Variants in ERMARD observed in about 807,000 individuals in gnomAD.
The protein encoded by ERMARD is ER membrane associated RNA degradation.
Under a neutral mutation model 83.9 loss-of-function variants are expected in ERMARD, and 71 were observed. That is an observed-to-expected ratio of 0.85 (90% CI 0.70 to 1.03). The LOEUF is 1.03. ERMARD is among the 50% of genes least tolerant of loss of function. ERMARD has a pLI of 0.00. For synonymous variants in ERMARD, 284 were observed against 298.6 expected, an observed-to-expected ratio of 0.95 and a Z score of 0.50; for missense variants, 838 against 810.9, an observed-to-expected ratio of 1.03 and a Z score of -0.41.
At position 169,768,117 on chromosome 6, in the gene ERMARD, CT is replaced by C; in HGVS notation, c.1007del (p.Leu336Ter). On this transcript the variant is annotated frameshift_variant, in exon 11 of 18. Transcript: ENST00000366773. LOFTEE classifies it high-confidence loss of function. ...TGATGTTTTAGATATTGGCAAAACA[CT>C]TGAATGATGGTAAAATCAATCAGCT... is the stretch of plus-strand genomic sequence containing the variant. ...TTFDQILAKH[L>X]NDGKINQLPL... The C allele has an allele frequency of 6.2e-7, 1 of 1,614,048 alleles. No individual in the cohort carries two copies. The highest frequency in any genetic ancestry group is 8.5e-7 in the Non-Finnish European group (1 of 1,179,896).
intron 16 of ERMARD, among the ~76,000 whole-genome samples, chr6:169,778,517 T>C (rs746807356): frequency 1.3e-5 from 2 of 152,226 alleles, no homozygotes; most frequent in Non-Finnish European, 2.9e-5. Context: ...GCTACATCCT[T>C]AAGAAATGGC....
At chr6:169,759,094 CT>C in intron 6 of ERMARD, 29 bp downstream of exon 6, 1 of 1,570,334 alleles carries the variant, frequency 6.4e-7, no homozygotes, top group East Asian at 2.2e-5. Context: ...CATTTTCTTC[CT>C]TTTTTGGATC....
At chr6:169,780,739 C>T (rs1794112276) in intron 17 of ERMARD, among the ~76,000 whole-genome samples, 1 of 152,206 alleles carries the variant, frequency 6.6e-6, no homozygotes, top group Admixed American at 6.5e-5. Flanking sequence ...CTGCACAGGT[C>T]CACTTGTCCA....
At chr6:169,769,501 G>A (rs768420246) in intron 11 of ERMARD, 39 bp from the exon 12 acceptor site, 7 of 1,560,680 alleles carry the variant, frequency 4.5e-6, no homozygotes, top group Non-Finnish European at 6.1e-6. Flanking sequence ...CTCTGCTGCG[G>A]ATACTAACAA....
chr6:169,772,356 A>G (rs1330255942), intron 12 of ERMARD, among the ~76,000 whole-genome samples: 1 of 152,228 alleles, frequency 6.6e-6, no homozygotes, highest in African/African-American at 2.4e-5. Flanking sequence ...TTTTCTGCCC[A>G]GCACACTCCC....
intron 3 of ERMARD, 62 bp from the exon 4 acceptor site, chr6:169,756,272 ATAAT>A (rs1790800297): frequency 1.0e-6 from 1 of 961,680 alleles, no homozygotes; most frequent in Non-Finnish European, 1.5e-6. Flanking sequence ...ATTTCAATAA[ATAAT>A]ATTGTTGCTT....
At chr6:169,779,050 TAAGGATTAGGA>T (rs1793909240) in intron 16 of ERMARD, 121 bp from the exon 17 acceptor site, 1 of 841,154 alleles carries the variant, frequency 1.2e-6, no homozygotes, top group East Asian at 2.6e-5. Context: ...CATTGGGCTC[TAAGGATTAGGA>T]AAATTATTTT....
rs1157235991 is a variant in ERMARD, at chr6:169,753,922, G to A, written c.65G>A (p.Cys22Tyr). Residue 22 changes from cysteine to tyrosine, a missense_variant, in exon 2 of 18, where the codon TGT becomes TAT. Transcript: ENST00000366773. ...TCTCCCTCAGTGTATGATATAATTTGTAATCTTGGGTTTCAACTCAGAGAA... is the reference window on the plus strand; with the variant it reads ...TCTCCCTCAGTGTATGATATAATTTATAATCTTGGGTTTCAACTCAGAGAA... The part of the protein sequence containing the change: ...CLSPSVYDII[C>Y]NLGFQLRENC... 3.7e-6 allele frequency: 6 copies of A among 1,613,198 alleles called. No homozygotes were observed. The South Asian group carries it at 5.5e-5, about 15-fold the overall frequency.
chr6:169,754,024 C>T lies in ERMARD; in HGVS notation c.167C>T (p.Thr56Ile). ...WKTITDCVSY[T>I]ESEQGLDYWG... is the part of the protein sequence containing the mutation. The stretch of plus-strand genomic sequence containing the variant: ...ACAATCACAGACTGTGTGAGCTACA[C>T]AGAGTCAGGTTTGTGCTGTCTTTGT... Residue 56 changes from threonine (T) to isoleucine (I), a missense_variant, in exon 2 of 18, where the codon ACA becomes ATA. Transcript: ENST00000366773. The T allele has an allele frequency of 1.2e-6, 2 of 1,610,374 alleles. No individual in the cohort carries two copies. The highest frequency in any genetic ancestry group is 1.7e-6 in the Non-Finnish European group (2 of 1,177,680).
intron 11 of ERMARD, among the ~76,000 whole-genome samples, chr6:169,769,299 A>G (rs1458591736): frequency 6.6e-6 from 1 of 152,128 alleles, no homozygotes; most frequent in East Asian, 1.9e-4. Flanking sequence ...GGAAGGTGAA[A>G]ACAAGAAAGA....
intron 3 of ERMARD, among the ~76,000 whole-genome samples, chr6:169,756,044 T>G (rs566937465): frequency 6.6e-6 from 1 of 152,178 alleles, no homozygotes. Context: ...CTCAGCCAAA[T>G]CAAAAGGAGA....
rs988818503 is a variant in ERMARD, at chr6:169,753,772, T to C, written c.7-92T>C. 13 of 910,402 alleles carry C rather than the reference T, an allele frequency of 1.4e-5. No individual in the cohort carries two copies. In the African/African-American group the frequency reaches 2.2e-4, roughly 15 times the overall value. 56.4% of individuals were successfully genotyped at this position (910,402 alleles called of 1,614,324 possible). Reference sequence around the variant, plus strand: ...CATGTTAACAGCAACTATACCTGAGTGCATTCAGTTCTTAAGAGATGTGTC... The same window carrying C: ...CATGTTAACAGCAACTATACCTGAGCGCATTCAGTTCTTAAGAGATGTGTC... On this transcript the variant is annotated intron_variant, in intron 1 of 17. Coordinates refer to ENST00000366773, the MANE Select transcript of ERMARD (RefSeq NM_018341.3).
At chr6:169,758,730 G>C (rs1791137367) in intron 5 of ERMARD, among the ~76,000 whole-genome samples, 1 of 151,974 alleles carries the variant, frequency 6.6e-6, no homozygotes, top group South Asian at 2.1e-4. Flanking sequence ...TAGATGCTGG[G>C]GATAATCATA....
intron 9 of ERMARD, among the ~76,000 whole-genome samples, chr6:169,764,683 C>T (rs1791980317): frequency 6.6e-6 from 1 of 152,196 alleles, no homozygotes; most frequent in South Asian, 2.1e-4. Flanking sequence ...ATCCTCTTCA[C>T]GTGGCAGCAA....
rs933100764 is a variant in ERMARD at position 169,770,155 on chromosome 6, G to A, written c.1233+442G>A. Reference sequence around the variant, plus strand: ...TTAATCTTTTTTTCAGATTATACATGTGACAGTTATTTTAAAAATTGTTTA... The same window carrying A: ...TTAATCTTTTTTTCAGATTATACATATGACAGTTATTTTAAAAATTGTTTA... On this transcript the variant is annotated intron_variant, in intron 12 of 17. Coordinates refer to ENST00000366773, the MANE Select transcript of ERMARD (RefSeq NM_018341.3). 3.3e-5 allele frequency among the ~76,000 whole-genome samples: 5 copies of A among 152,104 alleles called. No homozygotes were observed. In the East Asian group the frequency reaches 7.7e-4, roughly 23 times the overall value.
Position 169,776,545 on chromosome 6 carries a change from A to G in ERMARD, c.1611A>G (p.Arg537=). 1 of 1,614,182 alleles carries G rather than the reference A, an allele frequency of 6.2e-7. No individual in the cohort carries two copies. The highest frequency in any genetic ancestry group is 8.5e-7 in the Non-Finnish European group (1 of 1,180,038). The change falls in exon 16 of 18, where the codon CGA becomes CGG. Residue 537 remains arginine (R), a synonymous_variant. Transcript: ENST00000366773. ...TGCTGGAAGTGCTGGTTGTGCTCCG[A>G]AGCATCAGCGAACAGTGCCGCCGTG... ...RIVLEVLVVL[R]SISEQCRRVS...
intron 17 of ERMARD, 42 bp downstream of exon 17, chr6:169,779,337 G>T: frequency 6.4e-7 from 1 of 1,559,500 alleles, no homozygotes; most frequent in Non-Finnish European, 8.8e-7. Flanking sequence ...TTGCATCGTG[G>T]GGCAGATTGC....
At position 169,756,818 on chromosome 6, in the gene ERMARD, T is replaced by C; in HGVS notation, c.507+10T>C. The C allele has an allele frequency of 1.9e-6, 3 of 1,612,642 alleles. No individual in the cohort carries two copies. The highest frequency in any genetic ancestry group is 2.5e-6 in the Non-Finnish European group (3 of 1,178,968). On this transcript the variant is annotated intron_variant, in intron 5 of 17. Coordinates refer to ENST00000366773, the MANE Select transcript of ERMARD (RefSeq NM_018341.3). ...CTTCAGTCAGTCTGTGGTAAGCTTG[T>C]TCATCTAAACTCATGGAGTATATTA...
intron 13 of ERMARD, among the ~76,000 whole-genome samples, chr6:169,773,953 A>C (rs187714482): frequency 7.0e-4 from 106 of 152,344 alleles, no homozygotes; most frequent in African/African-American, 2.5e-3. Context: ...TGTGCAGGTG[A>C]AAATTTATAA....
Sources: gnomAD v4.1 joint callset for allele counts (sites outside exome capture counted in the v4.1 genomes callset) on GRCh38, gnomAD v4.1.1 for gene constraint, MANE v1.5 for transcripts, NCBI Gene and HGNC (gene_info 2026-07-23, HGNC 2026-07-21) for gene names.